The following PCDHA1 variants were observed in gnomAD, a reference collection of about 807,000 sequenced individuals.
PCDHA1 encodes protocadherin alpha-1.
PCDHA1 carries 42 observed loss-of-function variants against 61.3 expected under a neutral mutation model. The observed-to-expected ratio is 0.69, with a 90% confidence interval of 0.54 to 0.89. The LOEUF (loss-of-function observed/expected upper bound fraction) is 0.89. Ranked by LOEUF, PCDHA1 falls within the 40% of genes least tolerant of loss-of-function variation. The probability of loss-of-function intolerance (pLI) is 0.00; values close to 1 mark genes in which losing one functional copy is unlikely to be tolerated. For synonymous variants in PCDHA1, 610 were observed against 553.8 expected (o/e 1.10, Z -1.43); for missense variants, 1,256 against 1,235.3 (o/e 1.02, Z -0.25).
rs2150387302 is a variant in PCDHA1 at position 140,846,348 on chromosome 5, C to T, written c.2394+57664C>T. ...TAAATAGCCTTTTAAAGTGCTTTCT[C>T]TTTTTTCTTTTCTTTTCTTTCTTTC... is the stretch of plus-strand genomic sequence containing the variant. On this transcript the variant is annotated intron_variant, in intron 1 of 3. Transcript: ENST00000504120. 5.0e-5 allele frequency among the ~76,000 whole-genome samples: 7 copies of T among 138,736 alleles called. 1 individual carries two copies. Among genetic ancestry groups the T allele is most frequent in the East Asian group, 2.0e-4 (1 of 4,968 alleles). The allele number at this position is 138,736 out of a possible 152,430, so 91.0% of individuals were successfully genotyped here.
chr5:140,937,130 C>T (rs899242411), intron 1 of PCDHA1, among the ~76,000 whole-genome samples: 12 of 151,674 alleles, frequency 7.9e-5, no homozygotes, highest in Non-Finnish European at 1.3e-4. Flanking sequence ...CTCCGCCTCC[C>T]GGGTTCATGC....
intron 1 of PCDHA1, among the ~76,000 whole-genome samples, chr5:140,844,310 T>G (rs1779318452): frequency 6.7e-6 from 1 of 149,666 alleles, no homozygotes. Context: ...TTTCATATTC[T>G]TCCTAATTTT....
intron 3 of PCDHA1, among the ~76,000 whole-genome samples, chr5:140,989,765 C>G (rs2097359812): frequency 6.6e-6 from 1 of 152,286 alleles, no homozygotes. Context: ...ATATTCAGTT[C>G]AAGCACTGGC....
intron 1 of PCDHA1, chr5:140,830,558 T>C: frequency 9.8e-7 from 1 of 1,015,990 alleles, no homozygotes; most frequent in Non-Finnish European, 1.3e-6. Context: ...ATTTGTCTTC[T>C]ATATTTCTGT....
chr5:141,010,118 T>C lies in PCDHA1; in HGVS notation c.*181T>C. 6.2e-7 allele frequency: 1 copy of C among 1,608,728 alleles called. No homozygotes were observed. The highest frequency in any genetic ancestry group is 8.5e-7 in the Non-Finnish European group (1 of 1,177,116). ...TTAACAGGTTTTGTCGTAAAAGCTT[T>C]ACTAAGTCTGGTGTTAACTCTTTCT... On this transcript the variant is annotated 3_prime_UTR_variant, in exon 4 of 4. Transcript: ENST00000504120.
chr5:140,813,372 G>A (rs2126646114), intron 1 of PCDHA1: 1 of 152,238 alleles, frequency 6.6e-6, no homozygotes, highest in African/African-American at 2.4e-5. Flanking sequence ...TACAGACCTA[G>A]GTTACATGAT....
At chr5:140,957,107 G>A in intron 1 of PCDHA1, among the ~76,000 whole-genome samples, 1 of 152,092 alleles carries the variant, frequency 6.6e-6, no homozygotes, top group East Asian at 1.9e-4. Context: ...CTATGGACAT[G>A]ATTCTGTGTG....
chr5:140,935,527 C>G (rs956168876), intron 1 of PCDHA1, among the ~76,000 whole-genome samples: 4 of 152,172 alleles, frequency 2.6e-5, no homozygotes, highest in Non-Finnish European at 5.9e-5. Context: ...CATGTACAGT[C>G]AAATTATTGT....
chr5:140,946,611 A>AATATATATATATATATATAT lies in PCDHA1; in HGVS notation c.2395-32336_2395-32317dup, dbSNP rs1554217734. On this transcript the variant is annotated intron_variant, in intron 1 of 3. Transcript: ENST00000504120. ...GGATGAATAGATAAAGAAAATGTGA[A>AATATATATATATATATATAT]ATATATATATATATATATATACAAT... Among the ~76,000 whole-genome samples the AATATATATATATATATATAT allele has an allele frequency of 2.4e-3, 212 of 86,734 alleles. 8 individuals carry two copies. Among genetic ancestry groups the AATATATATATATATATATAT allele is most frequent in the Middle Eastern group, 0.011 (2 of 186 alleles). The allele number at this position is 86,734 out of a possible 152,430, so 56.9% of individuals were successfully genotyped here.
chr5:140,801,616 T>C, intron 1 of PCDHA1: 1 of 1,614,082 alleles, frequency 6.2e-7, no homozygotes, highest in Non-Finnish European at 8.5e-7. Flanking sequence ...GTAAAGAATC[T>C]GTTTATTTCC....
At chr5:140,972,750 G>A (rs2096554223) in intron 1 of PCDHA1, among the ~76,000 whole-genome samples, 2 of 143,042 alleles carry the variant, frequency 1.4e-5, no homozygotes, top group South Asian at 2.2e-4. Context: ...TGCAACCTCC[G>A]CCTCCCAAGT....
intron 1 of PCDHA1, chr5:140,817,221 C>T (rs1231658079): frequency 6.6e-6 from 1 of 152,306 alleles, no homozygotes; most frequent in Non-Finnish European, 1.5e-5. Flanking sequence ...CTTTCTCTTT[C>T]CCTTCTCAGG....
intron 1 of PCDHA1, chr5:140,803,310 T>G: frequency 6.2e-7 from 1 of 1,614,150 alleles, no homozygotes; most frequent in East Asian, 2.2e-5. Context: ...CGTCGCCATC[T>G]GCGCGGTGTC....
intron 1 of PCDHA1, among the ~76,000 whole-genome samples, chr5:140,846,000 GA>G (rs1346490644): frequency 1.3e-5 from 2 of 149,558 alleles, no homozygotes; most frequent in African/African-American, 2.4e-5. Context: ...GTGGTGGAAT[GA>G]AAAAAATCTA....
intron 1 of PCDHA1, among the ~76,000 whole-genome samples, chr5:140,950,176 T>G (rs1221821328): frequency 6.6e-6 from 1 of 151,976 alleles, no homozygotes; most frequent in Non-Finnish European, 1.5e-5. Flanking sequence ...TTTAGAGAAT[T>G]AAGAAGGAAA....
chr5:140,808,628 G>C (rs782443934), intron 1 of PCDHA1: 1 of 1,613,622 alleles, frequency 6.2e-7, no homozygotes. Flanking sequence ...GTCTGCGTGG[G>C]ACGCGGACGC....
intron 1 of PCDHA1, among the ~76,000 whole-genome samples, chr5:140,916,170 G>A (rs782402888): frequency 1.5e-4 from 23 of 152,106 alleles, no homozygotes; most frequent in Non-Finnish European, 2.9e-4. Flanking sequence ...TGCCAGGCCT[G>A]GGACTCTTCA....
intron 1 of PCDHA1, chr5:140,883,182 A>G (rs2059477264): frequency 6.2e-7 from 1 of 1,614,024 alleles, no homozygotes; most frequent in Non-Finnish European, 8.5e-7. Context: ...ATTAGGACAA[A>G]AGGCAAACTA....
intron 1 of PCDHA1, among the ~76,000 whole-genome samples, chr5:140,949,913 A>G (rs554549969): frequency 9.9e-5 from 15 of 151,452 alleles, no homozygotes; most frequent in Admixed American, 2.6e-4. Context: ...TTTAGATATA[A>G]CTATTTTTAG....
Sources: allele counts gnomAD v4.1 joint callset (sites outside exome capture counted in the v4.1 genomes callset), GRCh38; gene constraint gnomAD v4.1.1; transcripts MANE v1.5; gene names NCBI Gene and HGNC (gene_info 2026-07-23, HGNC 2026-07-21).